The following SND1 variants were observed in gnomAD, a reference collection of about 807,000 sequenced individuals.
SND1 encodes the protein staphylococcal nuclease and tudor domain containing 1.
A neutral mutation model predicts 121.7 loss-of-function variants in SND1; 38 were observed. The observed-to-expected ratio is 0.31, with a 90% CI of 0.24 to 0.41. The LOEUF (loss-of-function observed/expected upper bound fraction) is 0.41. Among genes scored for constraint, SND1 ranks in the 10% least tolerant of loss-of-function variants. The pLI is 1.00. For missense variants in SND1, 868 were observed against 1,184.6 expected (o/e 0.73, Z 3.92); for synonymous variants, 401 against 447.4 (o/e 0.90, Z 1.31).
chr7:127,842,338 G>A (rs993795868), intron 11 of SND1, among the ~76,000 whole-genome samples: 2 of 152,134 alleles, frequency 1.3e-5, no homozygotes, highest in Admixed American at 6.6e-5. Context: ...ACTTCATTCT[G>A]TGAAGACTTG....
intron 10 of SND1, among the ~76,000 whole-genome samples, chr7:127,764,056 A>AAAAAAAAAAAAAAAAAAAAAAAC (rs1554422863): frequency 7.4e-5 from 10 of 135,254 alleles, no homozygotes; most frequent in Non-Finnish European, 1.1e-4. Flanking sequence ...AAAAAAACAA[A>AAAAAAAAAAAAAAAAAAAAAAAC]AAAACAAAAA....
chr7:127,743,477 C>T (rs945121652), intron 10 of SND1, among the ~76,000 whole-genome samples: 1 of 152,188 alleles, frequency 6.6e-6, no homozygotes, highest in Admixed American at 6.5e-5. Flanking sequence ...AAATAGCCCC[C>T]AACGTTTTGG....
At chr7:127,997,637 C>T (rs1802697329) in intron 16 of SND1, 1 of 489,546 alleles carries the variant, frequency 2.0e-6, no homozygotes, top group African/African-American at 2.0e-5. Context: ...TCCCCATTGC[C>T]TCTGGGATAA....
rs573501671 is a variant in SND1 at position 128,070,668 on chromosome 7, A to G, written c.1780-3834A>G. Among the ~76,000 whole-genome samples the G allele has an allele frequency of 7.9e-5, 12 of 152,312 alleles. No homozygotes were observed. The South Asian group carries it at 1.9e-3, about 24-fold the overall frequency. The stretch of plus-strand genomic sequence containing the variant: ...AGAAATTTCTTGTCTATTTACAGGA[A>G]TGAGCCTCCCCTAACGTGTCTTCTG... On this transcript the variant is annotated intron_variant, in intron 16 of 23. Coordinates refer to ENST00000354725, the MANE Select transcript of SND1 (RefSeq NM_014390.4).
chr7:127,867,787 T>C (rs1351506374), intron 12 of SND1, among the ~76,000 whole-genome samples: 1 of 152,116 alleles, frequency 6.6e-6, no homozygotes, highest in Non-Finnish European at 1.5e-5. Context: ...ACACATCTGA[T>C]TTTTAGAATC....
chr7:127,858,284 T>G (rs1799319787), intron 12 of SND1: 1 of 856,492 alleles, frequency 1.2e-6, no homozygotes, highest in East Asian at 2.6e-5. Flanking sequence ...GTCCGGGCAC[T>G]GCGGGGAACT....
At position 128,029,986 on chromosome 7, in the gene SND1, C is replaced by T. The variant is rs755118175; in HGVS notation, c.1779+38930C>T. 7 of 1,613,182 alleles carry T rather than the reference C, an allele frequency of 4.3e-6. No individual in the cohort carries two copies. In the South Asian group the frequency reaches 6.6e-5, roughly 15 times the overall value. The stretch of plus-strand genomic sequence containing the variant: ...CCTGACATCTCCAGCTCCTCCAGCC[C>T]CACCAGGGGGGTGAGATTGGGCATG... On this transcript the variant is annotated intron_variant, in intron 16 of 23. Transcript: ENST00000354725. The surrounding 1 kb of genome is among the most constrained non-coding windows in gnomAD (Gnocchi z 4.2).
intron 10 of SND1, among the ~76,000 whole-genome samples, chr7:127,776,455 A>G (rs1037535115): frequency 6.6e-6 from 1 of 152,250 alleles, no homozygotes; most frequent in African/African-American, 2.4e-5. Context: ...AATATTCTAG[A>G]ATATAAAAAT....
At chr7:128,050,509 G>A (rs1227335408) in intron 16 of SND1, among the ~76,000 whole-genome samples, 4 of 152,136 alleles carry the variant, frequency 2.6e-5, no homozygotes, top group Non-Finnish European at 5.9e-5. Flanking sequence ...ATTAGTTATC[G>A]ACCTTATTGC....
chr7:128,028,513 G>T, intron 16 of SND1: 67 of 606,978 alleles, frequency 1.1e-4, no homozygotes, highest in East Asian at 1.7e-4. Context: ...AAATATTTTT[G>T]TTTTGACTTT....
chr7:127,899,452 G>A (rs1800184431), intron 13 of SND1, among the ~76,000 whole-genome samples: 1 of 152,126 alleles, frequency 6.6e-6, no homozygotes, highest in Non-Finnish European at 1.5e-5. Context: ...TGGAATCAAG[G>A]GGAAAGCAAA....
intron 11 of SND1, among the ~76,000 whole-genome samples, chr7:127,818,820 G>C (rs1490477285): frequency 6.6e-6 from 1 of 152,306 alleles, no homozygotes; most frequent in East Asian, 1.9e-4. Context: ...GAAAAGCAAG[G>C]AAAGGAGAAG....
chr7:128,021,897 G>A (rs945884625), intron 16 of SND1, among the ~76,000 whole-genome samples: 4 of 152,068 alleles, frequency 2.6e-5, no homozygotes, highest in Non-Finnish European at 5.9e-5. Flanking sequence ...TTTTTTATTA[G>A]TGGGGCTATA....
At chr7:127,793,082 A>C (rs1797943431) in intron 10 of SND1, among the ~76,000 whole-genome samples, 1 of 152,230 alleles carries the variant, frequency 6.6e-6, no homozygotes, top group Admixed American at 6.5e-5. Context: ...ACTAGATCCA[A>C]CTTTTTCCAG....
intron 12 of SND1, among the ~76,000 whole-genome samples, chr7:127,859,299 T>C (rs1244560056): frequency 6.6e-6 from 1 of 152,178 alleles, no homozygotes. Flanking sequence ...TGCAGGGGGC[T>C]CTTGTCATCA....
At chr7:127,720,522 A>G (rs1796474936) in intron 9 of SND1, among the ~76,000 whole-genome samples, 2 of 152,370 alleles carry the variant, frequency 1.3e-5, no homozygotes, top group Admixed American at 1.3e-4. Flanking sequence ...TATTCTGCAC[A>G]CATTGTAGAA....
intron 15 of SND1, among the ~76,000 whole-genome samples, chr7:127,938,890 A>AT (rs768370660): frequency 9.9e-5 from 15 of 151,882 alleles, no homozygotes; most frequent in African/African-American, 1.4e-4. Flanking sequence ...TTATTTAATA[A>AT]TTTTTTTTTA....
intron 11 of SND1, 94 bp downstream of exon 11, chr7:127,807,667 G>A (rs1798260841): frequency 1.1e-6 from 1 of 896,986 alleles, no homozygotes; most frequent in African/African-American, 1.7e-5. Context: ...TTTACCAGCA[G>A]ATGACACTTC....
chr7:128,058,693 G>A lies in SND1; in HGVS notation c.1780-15809G>A, dbSNP rs6950154. 7.9e-4 allele frequency among the ~76,000 whole-genome samples: 120 copies of A among 152,236 alleles called. 1 individual carries two copies. Among genetic ancestry groups the A allele is most frequent in the African/African-American group, 2.6e-3 (107 of 41,558 alleles). On this transcript the variant is annotated intron_variant, in intron 16 of 23. Coordinates refer to ENST00000354725, the MANE Select transcript of SND1 (RefSeq NM_014390.4). Reference sequence around the variant, plus strand: ...TCTCCTCTTTCTGACTCCTTTGATCGCTCTTGTAAACATTCTGACTCTAGT... The same window carrying A: ...TCTCCTCTTTCTGACTCCTTTGATCACTCTTGTAAACATTCTGACTCTAGT...
Sources: allele counts gnomAD v4.1 joint callset (sites outside exome capture counted in the v4.1 genomes callset), GRCh38; gene constraint gnomAD v4.1.1; non-coding constraint Gnocchi (gnomAD v3.1); transcripts MANE v1.5; gene names NCBI Gene and HGNC (gene_info 2026-07-23, HGNC 2026-07-21).